The following VSIR variants were observed in gnomAD, a reference collection of about 807,000 sequenced individuals.
VSIR encodes the protein V-set immunoregulatory receptor.
Under a neutral mutation model 31.0 loss-of-function variants are expected in VSIR, and 10 were observed. The observed-to-expected ratio is 0.32, with a 90% CI of 0.20 to 0.55. The LOEUF is 0.55. Ranked by LOEUF, VSIR falls within the 20% of genes least tolerant of loss-of-function variation. The pLI, the probability that VSIR is intolerant of heterozygous loss-of-function variation, is 0.93. For synonymous variants in VSIR, 179 were observed against 180.1 expected (o/e 0.99, Z 0.05); for missense variants, 356 against 416.2 (o/e 0.86, Z 1.26).
chr10:71,762,094 G>C, intron 1 of VSIR, 68 bp from the exon 2 acceptor site: 1 of 1,488,990 alleles, frequency 6.7e-7, no homozygotes. Flanking sequence ...CCCAGAGCGG[G>C]GAAGAACCTT....
intron 3 of VSIR, among the ~76,000 whole-genome samples, chr10:71,759,257 C>T (rs1351842644): frequency 6.6e-6 from 1 of 151,662 alleles, no homozygotes; most frequent in Admixed American, 6.6e-5. Flanking sequence ...AGGCTGGTCT[C>T]GAACTCCTGG....
chr10:71,773,491 G>T lies in VSIR; in HGVS notation c.-52C>A, dbSNP rs1177314094. ...TCTGGTGCCGGGGAGCGGGCGGGACGCGGCCGGCGCGGGGAAGCCTCCCGC... is the reference window on the plus strand; with the variant it reads ...TCTGGTGCCGGGGAGCGGGCGGGACTCGGCCGGCGCGGGGAAGCCTCCCGC... On this transcript the variant is annotated 5_prime_UTR_variant, in exon 1 of 7. Transcript: ENST00000394957. 2.0e-6 allele frequency: 3 copies of T among 1,522,026 alleles called. No homozygotes were observed. The highest frequency in any genetic ancestry group is 2.7e-6 in the Non-Finnish European group (3 of 1,121,000). 94.3% of individuals were successfully genotyped at this position (1,522,026 alleles called of 1,614,324 possible). A position where few individuals can be genotyped will look rare whatever the true frequency, so the allele number is the denominator to read the frequency against.
At chr10:71,763,252 C>T (rs1408824459) in intron 1 of VSIR, among the ~76,000 whole-genome samples, 2 of 152,232 alleles carry the variant, frequency 1.3e-5, no homozygotes, top group African/African-American at 4.8e-5. Flanking sequence ...AAGCAATTCT[C>T]CTGCCTTGGC....
Position 71,773,398 on chromosome 10 carries a change from C to A in VSIR, c.42G>T (p.Trp14Cys). 1.2e-6 allele frequency: 2 copies of A among 1,609,828 alleles called. No individual in the cohort carries two copies. Among genetic ancestry groups the A allele is most frequent in the Non-Finnish European group, 1.7e-6 (2 of 1,178,488 alleles). Residue 14 changes from tryptophan (W) to cysteine (C), a missense_variant, in exon 1 of 7, where the codon TGG becomes TGT. Around this residue, in one of 2 missense-constraint regions of VSIR, gnomAD observed 166 missense variants for 231.0 expected, o/e 0.72. Coordinates refer to ENST00000394957, the MANE Select transcript of VSIR (RefSeq NM_022153.2). ...GGAAGAGAGCGAAGAGCAGGGATCC[C>A]CAGCGCCAGCTGCCGGCCTCCAGGG... is the stretch of plus-strand genomic sequence containing the variant. ...PTALEAGSWR[W>C]GSLLFALFLA...
chr10:71,762,511 C>A (rs1219829893), intron 1 of VSIR, among the ~76,000 whole-genome samples: 2 of 152,268 alleles, frequency 1.3e-5, no homozygotes, highest in Non-Finnish European at 2.9e-5. Flanking sequence ...AAGGCCTGGG[C>A]CAGGTGCTGC....
At position 71,770,539 on chromosome 10, in the gene VSIR, C is replaced by T. The variant is rs551740534; in HGVS notation, c.82+2819G>A. Among the ~76,000 whole-genome samples the T allele has an allele frequency of 7.9e-5, 12 of 152,332 alleles. No individual in the cohort carries two copies. The South Asian group carries it at 2.5e-3, about 32-fold the overall frequency. The stretch of plus-strand genomic sequence containing the variant: ...GGCCACTGGAAGCCACAGTGCTGAT[C>T]CCTGGCCCACCCTCCCCTGGGAGAC... On this transcript the variant is annotated intron_variant, in intron 1 of 6. Coordinates refer to ENST00000394957, the MANE Select transcript of VSIR (RefSeq NM_022153.2).
chr10:71,751,791 C>T lies in VSIR; in HGVS notation c.775G>A (p.Val259Ile). The T allele has an allele frequency of 3.1e-6, 5 of 1,599,340 alleles. No individual in the cohort carries two copies. The highest frequency in any genetic ancestry group is 4.3e-6 in the Non-Finnish European group (5 of 1,172,652). The part of the protein sequence containing the change: ...PPAQGIPEAK[V>I]RHPLSYVAQR... ...GCCACATAGGACAGGGGGTGCCTGA[C>T]TTTGGCCTCGGGTATCCCCTGGGCA... The change falls in exon 6 of 7, where the codon GTC (valine) becomes ATC (isoleucine). Residue 259 changes from valine (V) to isoleucine (I), a missense_variant. Transcript: ENST00000394957. The surrounding 1 kb of genome is among the most constrained non-coding windows in gnomAD (Gnocchi z 4.9).
chr10:71,755,255 G>A, intron 4 of VSIR, 104 bp downstream of exon 4: 1 of 1,029,710 alleles, frequency 9.7e-7, no homozygotes, highest in Middle Eastern at 2.3e-4. Context: ...AAATGAAAAG[G>A]AATTGTGCCT....
chr10:71,748,112 G>A lies in VSIR; in HGVS notation c.*3141C>T, dbSNP rs1421110122. On this transcript the variant is annotated 3_prime_UTR_variant, in exon 7 of 7. Coordinates refer to ENST00000394957, the MANE Select transcript of VSIR (RefSeq NM_022153.2). ...CCCAGCACAGTCAGGCCAGCCCTGG[G>A]GAAGGCCTCATTCATGAGGCAGGAC... is the stretch of plus-strand genomic sequence containing the variant. 1 of 152,054 alleles carries A rather than the reference G, an allele frequency of 6.6e-6. No individual in the cohort carries two copies. The highest frequency in any genetic ancestry group is 1.5e-5 in the Non-Finnish European group (1 of 68,054). The allele number at this position is 152,054 out of a possible 1,614,324, so 9.4% of individuals were successfully genotyped here.
chr10:71,761,725 G>T lies in VSIR; in HGVS notation c.384C>A (p.Asn128Lys). ...GLESASDHHGNFSITMRNLTL... is the reference protein window; with the variant it reads ...GLESASDHHGKFSITMRNLTL... Reference sequence around the variant, plus strand: ...TCAGGTTGCGCATGGTGATGGAGAAGTTGCCATGGTGGTCGGAGGCCGACT... The same window carrying T: ...TCAGGTTGCGCATGGTGATGGAGAATTTGCCATGGTGGTCGGAGGCCGACT... The change falls in exon 2 of 7, where the codon AAC becomes AAA. Residue 128 changes from asparagine to lysine, a missense_variant. By Grantham distance (94) the Asn-to-Lys change is moderately conservative (BLOSUM62 0). Coordinates refer to ENST00000394957, the MANE Select transcript of VSIR (RefSeq NM_022153.2). The T allele has an allele frequency of 6.2e-7, 1 of 1,614,132 alleles. No individual in the cohort carries two copies. Among genetic ancestry groups the T allele is most frequent in the Non-Finnish European group, 8.5e-7 (1 of 1,180,022 alleles).
At chr10:71,758,608 C>T (rs573962546) in intron 3 of VSIR, among the ~76,000 whole-genome samples, 3 of 152,372 alleles carry the variant, frequency 2.0e-5, no homozygotes, top group Non-Finnish European at 4.4e-5. Context: ...CTAAGCAGGC[C>T]TGCAGCCAGA....
chr10:71,755,741 G>A (rs950064652), intron 3 of VSIR, among the ~76,000 whole-genome samples: 1 of 152,140 alleles, frequency 6.6e-6, no homozygotes, highest in African/African-American at 2.4e-5. Context: ...AGGGAACAGA[G>A]TCCTCATCCC....
At chr10:71,772,351 C>T (rs1322191943) in intron 1 of VSIR, among the ~76,000 whole-genome samples, 1 of 152,238 alleles carries the variant, frequency 6.6e-6, no homozygotes, top group Non-Finnish European at 1.5e-5. Context: ...CTCCACCTCC[C>T]TCCTGCCTCC....
intron 4 of VSIR, 79 bp from the exon 5 acceptor site, chr10:71,753,081 G>A: frequency 1.3e-6 from 2 of 1,533,932 alleles, no homozygotes; most frequent in Non-Finnish European, 1.8e-6. Flanking sequence ...GCTGGCAGAT[G>A]CCCTGCAGGG....
intron 2 of VSIR, 40 bp downstream of exon 2, chr10:71,761,558 C>A (rs1421571967): frequency 4.0e-6 from 6 of 1,517,342 alleles, no homozygotes; most frequent in Non-Finnish European, 5.3e-6. Flanking sequence ...ACAGGCAGCC[C>A]TCCACACACG....
chr10:71,769,223 A>G (rs1287440360), intron 1 of VSIR, among the ~76,000 whole-genome samples: 1 of 15,066 alleles, frequency 6.6e-5, no homozygotes, highest in African/African-American at 3.3e-4. Context: ...ATATGTCTCT[A>G]AAACATTTGC....
intron 1 of VSIR, among the ~76,000 whole-genome samples, chr10:71,764,275 T>A (rs1840473987): frequency 1.3e-5 from 2 of 152,228 alleles, no homozygotes; most frequent in South Asian, 4.1e-4. Context: ...TGCCATAAGG[T>A]ATTGTTTTTA....
chr10:71,755,159 C>T, intron 4 of VSIR, 200 bp downstream of exon 4: 2 of 662,394 alleles, frequency 3.0e-6, no homozygotes, highest in South Asian at 1.5e-5. Flanking sequence ...GGCTGGTGGG[C>T]ACTTGGCCCC....
chr10:71,773,030 G>A (rs1312272821), intron 1 of VSIR, among the ~76,000 whole-genome samples: 6 of 152,226 alleles, frequency 3.9e-5, no homozygotes, highest in African/African-American at 1.4e-4. Context: ...CCCCCACCCT[G>A]TGCCTCTCCT....
Sources: gnomAD v4.1 joint callset for allele counts (sites outside exome capture counted in the v4.1 genomes callset) on GRCh38, gnomAD v4.1.1 for gene constraint, gnomAD v4.1.1 regional missense constraint, Gnocchi (gnomAD v3.1) non-coding constraint, MANE v1.5 for transcripts, NCBI Gene and HGNC (gene_info 2026-07-23, HGNC 2026-07-21) for gene names.